SIM2: variants seen among roughly 807,000 people sequenced by gnomAD.
SIM2 encodes the protein SIM bHLH transcription factor 2, also known as single-minded homolog 2.
A neutral mutation model predicts 64.8 loss-of-function variants in SIM2; 28 were observed. The observed-to-expected ratio is 0.43, with a 90% CI of 0.32 to 0.59. The LOEUF is 0.59. SIM2 is among the 20% of genes least tolerant of loss of function. SIM2 has a pLI of 0.07. For synonymous variants in SIM2, 408 were observed against 391.1 expected (o/e 1.04, Z -0.51); for missense variants, 847 against 871.4 (o/e 0.97, Z 0.35).
chr21:36,704,854 A>C, intron 1 of SIM2, among the ~76,000 whole-genome samples: 1 of 151,452 alleles, frequency 6.6e-6, no homozygotes, highest in African/African-American at 2.4e-5. Context: ...CCCCCTTCTC[A>C]CCCGGTCCCC....
chr21:36,708,419 G>A (rs1045063596), intron 1 of SIM2, among the ~76,000 whole-genome samples: 16 of 152,348 alleles, frequency 1.1e-4, no homozygotes, highest in Admixed American at 7.8e-4. Flanking sequence ...AGGGCAGGAG[G>A]CCTGTTGAGC....
In SIM2 at chr21:36,736,741, C is replaced by CCCTTT. The variant is rs764283770; in HGVS notation, c.851-4967_851-4963dup. Among the ~76,000 whole-genome samples, 223 of 145,274 alleles carry CCCTTT rather than the reference C, an allele frequency of 1.5e-3. 5 individuals are homozygous for CCCTTT. Among genetic ancestry groups the CCCTTT allele is most frequent in the South Asian group, 1.3e-3 (6 of 4,626 alleles). On this transcript the variant is annotated intron_variant, in intron 7 of 10. Coordinates refer to ENST00000290399, the MANE Select transcript of SIM2 (RefSeq NM_005069.6). Reference sequence around the variant, plus strand: ...CTTCCCTTCCTTCCCTCCTTCCCTTCCCTTTCCTTTCCTCCCTCCCTCCCT... The same window carrying CCCTTT: ...CTTCCCTTCCTTCCCTCCTTCCCTTCCCTTTCCTTTCCTTTCCTCCCTCCCTCCCT...
intron 7 of SIM2, among the ~76,000 whole-genome samples, chr21:36,738,999 T>C (rs1311524050): frequency 6.6e-6 from 1 of 152,224 alleles, no homozygotes; most frequent in African/African-American, 2.4e-5. Context: ...TGGGGCTTGA[T>C]GGAGACTGGA....
chr21:36,730,710 C>T (rs561142102), intron 6 of SIM2, among the ~76,000 whole-genome samples: 5 of 152,276 alleles, frequency 3.3e-5, no homozygotes, highest in South Asian at 4.1e-4. Flanking sequence ...TCTTTCTCAC[C>T]GTAGCAGCTT....
chr21:36,719,951 A>C, intron 4 of SIM2, 22 bp downstream of exon 4: 1 of 1,470,854 alleles, frequency 6.8e-7, no homozygotes, highest in Non-Finnish European at 9.5e-7. Flanking sequence ...AGAGGGAAAA[A>C]AAAAAACAGA....
In SIM2 at chr21:36,699,214, C is replaced by T. The variant is rs1329224719; in HGVS notation, c.-533C>T. On this transcript the variant is annotated 5_prime_UTR_variant, in exon 1 of 11. Coordinates refer to ENST00000290399, the MANE Select transcript of SIM2 (RefSeq NM_005069.6). The surrounding 1 kb of genome is among the most constrained non-coding windows in gnomAD (Gnocchi z 5.6). ...TGCGTCTCCAGGCACAGGGAGCCGC[C>T]AGGAAGGGCAGGAGAGCGCGCCCGG... The T allele has an allele frequency of 6.6e-6, 1 of 151,800 alleles. No homozygotes were observed. Among genetic ancestry groups the T allele is most frequent in the Non-Finnish European group, 1.5e-5 (1 of 67,936 alleles). 9.4% of individuals were successfully genotyped at this position (151,800 alleles called of 1,614,324 possible).
chr21:36,743,128 C>T (rs1001508309), intron 8 of SIM2, among the ~76,000 whole-genome samples: 1 of 152,198 alleles, frequency 6.6e-6, no homozygotes, highest in South Asian at 2.1e-4. Flanking sequence ...ACGACCTCCC[C>T]GAGCAATGTG....
At chr21:36,724,162 C>T (rs2088860343) in intron 5 of SIM2, among the ~76,000 whole-genome samples, 2 of 152,266 alleles carry the variant, frequency 1.3e-5, no homozygotes, top group African/African-American at 4.8e-5. Context: ...CTCCTTTGAC[C>T]TATATCTCAC....
At chr21:36,709,325 C>A in intron 2 of SIM2, 75 bp downstream of exon 2, 1 of 1,250,144 alleles carries the variant, frequency 8.0e-7, no homozygotes, top group Non-Finnish European at 1.1e-6. Context: ...AGCCTCCAGG[C>A]GTCCCTTCCC....
chr21:36,722,445 C>G (rs1041794016), intron 4 of SIM2, among the ~76,000 whole-genome samples: 1 of 152,218 alleles, frequency 6.6e-6, no homozygotes, highest in Non-Finnish European at 1.5e-5. Context: ...ACCTCGCCCT[C>G]CCTTAGAGGT....
At chr21:36,733,372 C>A (rs1278099379) in intron 7 of SIM2, among the ~76,000 whole-genome samples, 1 of 151,750 alleles carries the variant, frequency 6.6e-6, no homozygotes. Flanking sequence ...TTACAGGTGC[C>A]CACCACCACG....
intron 3 of SIM2, among the ~76,000 whole-genome samples, chr21:36,713,450 G>T (rs2088703296): frequency 6.6e-6 from 1 of 152,136 alleles, no homozygotes; most frequent in Admixed American, 6.5e-5. Flanking sequence ...TGTGGATCAT[G>T]ATTTTAAAAG....
At chr21:36,706,612 T>G (rs1279350067) in intron 1 of SIM2, among the ~76,000 whole-genome samples, 1 of 152,250 alleles carries the variant, frequency 6.6e-6, no homozygotes, top group Non-Finnish European at 1.5e-5. Context: ...GACAATTTTC[T>G]TTCGTTACAA....
Position 36,719,821 on chromosome 21 carries a change from G to C in SIM2, c.349G>C (p.Val117Leu). 1 of 1,601,350 alleles carries C rather than the reference G, an allele frequency of 6.2e-7. No homozygotes were observed. The highest frequency in any genetic ancestry group is 8.6e-7 in the Non-Finnish European group (1 of 1,168,776). The change falls in exon 4 of 11, where the codon GTG becomes CTG. Residue 117 changes from valine to leucine, a missense_variant and splice_region_variant. By Grantham distance (32) the Val-to-Leu change is conservative (BLOSUM62 1). Around this residue, in one of 3 missense-constraint regions of SIM2, gnomAD observed 397 missense variants for 439.2 expected, o/e 0.90. Transcript: ENST00000290399. ...TASVHLGLSQVELTGNSIYEY... is the reference protein window; with the variant it reads ...TASVHLGLSQLELTGNSIYEY... ...TTCTGACCCTTCCCTTCCACGGCAG[G>C]TGGAGCTCACGGGCAACAGTATTTA... is the stretch of plus-strand genomic sequence containing the variant.
chr21:36,736,069 G>T (rs1167297795), intron 7 of SIM2, among the ~76,000 whole-genome samples: 1 of 152,178 alleles, frequency 6.6e-6, no homozygotes, highest in African/African-American at 2.4e-5. Flanking sequence ...GCTGCCCGAG[G>T]GATGCGGGGA....
At chr21:36,704,958 C>T (rs2088558646) in intron 1 of SIM2, among the ~76,000 whole-genome samples, 1 of 152,204 alleles carries the variant, frequency 6.6e-6, no homozygotes, top group Non-Finnish European at 1.5e-5. Context: ...CGTGCAGAGG[C>T]GCCCCAAATT....
intron 9 of SIM2, among the ~76,000 whole-genome samples, 156 bp from the exon 10 acceptor site, chr21:36,744,572 C>T (rs1466288844): frequency 2.0e-5 from 3 of 152,166 alleles, no homozygotes; most frequent in African/African-American, 7.2e-5. Flanking sequence ...GTATCGCTCG[C>T]TGTGTGCCTG....
intron 4 of SIM2, among the ~76,000 whole-genome samples, chr21:36,722,486 G>C (rs2088836044): frequency 6.6e-6 from 1 of 152,214 alleles, no homozygotes; most frequent in African/African-American, 2.4e-5. Context: ...GAGTGCTGGT[G>C]TCCCTTCCTG....
At chr21:36,706,828 C>T (rs999596215) in intron 1 of SIM2, among the ~76,000 whole-genome samples, 3 of 152,260 alleles carry the variant, frequency 2.0e-5, no homozygotes, top group African/African-American at 7.2e-5. Context: ...AAATCTCCGC[C>T]GGCAAAGCAG....
Sources: gnomAD v4.1 joint callset for allele counts (sites outside exome capture counted in the v4.1 genomes callset) on GRCh38, gnomAD v4.1.1 for gene constraint, gnomAD v4.1.1 regional missense constraint, Gnocchi (gnomAD v3.1) non-coding constraint, MANE v1.5 for transcripts, NCBI Gene and HGNC (gene_info 2026-07-23, HGNC 2026-07-21) for gene names.